The following C1orf21 variants were observed in gnomAD, a reference collection of about 807,000 sequenced individuals.
The protein encoded by C1orf21 is uncharacterized protein C1orf21.
Under a neutral mutation model 18.7 loss-of-function variants are expected in C1orf21, and 3 were observed. That is an observed-to-expected ratio of 0.16 (90% confidence interval 0.07 to 0.42). The LOEUF (loss-of-function observed/expected upper bound fraction) is 0.42, where lower values mean the gene tolerates loss of function less well. Among genes scored for constraint, C1orf21 ranks in the 10% least tolerant of loss-of-function variants. The pLI is 0.99. For synonymous variants in C1orf21, 41 were observed against 46.4 expected, an observed-to-expected ratio of 0.88 and a Z score of 0.47; for missense variants, 104 against 143.6, an observed-to-expected ratio of 0.72 and a Z score of 1.41.
rs1659971876 is a variant in C1orf21 at position 184,624,331 on chromosome 1, G to A, written c.*4775G>A. 2 of 152,630 alleles carry A rather than the reference G, an allele frequency of 1.3e-5. No individual in the cohort carries two copies. The highest frequency in any genetic ancestry group is 4.2e-4 in the South Asian group (2 of 4,818). The allele number at this position is 152,630 out of a possible 1,614,324, so 9.5% of individuals were successfully genotyped here. On this transcript the variant is annotated 3_prime_UTR_variant, in exon 6 of 6. Coordinates refer to ENST00000235307, the MANE Select transcript of C1orf21 (RefSeq NM_030806.4). ...CACTGGCTAACAGTAGGACTTCAGTGCCCTGAGGAAAAGGCTTTGGGAATT... is the reference window on the plus strand; with the variant it reads ...CACTGGCTAACAGTAGGACTTCAGTACCCTGAGGAAAAGGCTTTGGGAATT...
intron 1 of C1orf21, among the ~76,000 whole-genome samples, chr1:184,458,830 T>C (rs536303451): frequency 6.6e-6 from 1 of 152,326 alleles, no homozygotes; most frequent in Admixed American, 6.5e-5. Flanking sequence ...GGTAAAACTC[T>C]AAAAAGGGTG....
intron 1 of C1orf21, among the ~76,000 whole-genome samples, chr1:184,443,100 A>G (rs1656973138): frequency 6.6e-6 from 1 of 152,228 alleles, no homozygotes; most frequent in Non-Finnish European, 1.5e-5. Flanking sequence ...AAAGAATTGT[A>G]CTGTGCATTT....
intron 3 of C1orf21, among the ~76,000 whole-genome samples, chr1:184,523,767 G>A (rs1168830336): frequency 3.9e-5 from 6 of 152,018 alleles, no homozygotes; most frequent in African/African-American, 1.2e-4. Context: ...TATGAAAAAG[G>A]ACCTATACCA....
At chr1:184,474,907 G>A (rs1406536135) in intron 1 of C1orf21, among the ~76,000 whole-genome samples, 1 of 152,178 alleles carries the variant, frequency 6.6e-6, no homozygotes, top group Non-Finnish European at 1.5e-5. Flanking sequence ...CTGGGGATGA[G>A]GAAGCAGGGG....
rs191734954 is a variant in C1orf21 at position 184,547,941 on chromosome 1, A to G, written c.189+40259A>G. Reference sequence around the variant, plus strand: ...ATACCATTGGAAATGGATACCTGCTATGGCCACGGTGGCACTGGCTGCTGT... The same window carrying G: ...ATACCATTGGAAATGGATACCTGCTGTGGCCACGGTGGCACTGGCTGCTGT... On this transcript the variant is annotated intron_variant, in intron 3 of 5. Coordinates refer to ENST00000235307, the MANE Select transcript of C1orf21 (RefSeq NM_030806.4). Among the ~76,000 whole-genome samples the G allele has an allele frequency of 2.7e-4, 41 of 152,268 alleles. 2 individuals are homozygous for G. The East Asian group carries it at 7.5e-3, about 28-fold the overall frequency.
chr1:184,588,733 T>C (rs991292412), intron 3 of C1orf21, among the ~76,000 whole-genome samples: 2 of 152,216 alleles, frequency 1.3e-5, no homozygotes, highest in Non-Finnish European at 2.9e-5. Flanking sequence ...AAGTGCTCAG[T>C]GAGTGGTTAT....
At chr1:184,475,248 G>C (rs902670093) in intron 1 of C1orf21, among the ~76,000 whole-genome samples, 5 of 152,236 alleles carry the variant, frequency 3.3e-5, no homozygotes, top group Non-Finnish European at 7.4e-5. Context: ...GAGTACCTAT[G>C]GTCTTACGAT....
chr1:184,448,549 TAGA>T (rs1657068230), intron 1 of C1orf21, among the ~76,000 whole-genome samples: 1 of 152,234 alleles, frequency 6.6e-6, no homozygotes, highest in Non-Finnish European at 1.5e-5. Flanking sequence ...TTAGGACTAT[TAGA>T]GCATCTTTGA....
At chr1:184,477,360 T>C (rs192426104) in intron 1 of C1orf21, 26 bp from the exon 2 acceptor site, 1 of 622,318 alleles carries the variant, frequency 1.6e-6, no homozygotes, top group Admixed American at 2.9e-5. Flanking sequence ...CACTGCCCAT[T>C]CTAATCTAGC....
chr1:184,483,010 G>A (rs1211940227), intron 2 of C1orf21, among the ~76,000 whole-genome samples: 1 of 152,172 alleles, frequency 6.6e-6, no homozygotes. Context: ...TCATTGACAA[G>A]GAACTTCACC....
chr1:184,421,555 C>A (rs1645256161), intron 1 of C1orf21, among the ~76,000 whole-genome samples: 1 of 152,176 alleles, frequency 6.6e-6, no homozygotes, highest in South Asian at 2.1e-4. Flanking sequence ...TATAAAATTT[C>A]TTCCCACGTT....
chr1:184,538,384 G>A (rs377487185), intron 3 of C1orf21, among the ~76,000 whole-genome samples: 290 of 152,132 alleles, frequency 1.9e-3, no homozygotes, highest in Non-Finnish European at 3.2e-3. Flanking sequence ...ATAGATATGC[G>A]ATTTCAAATA....
intron 3 of C1orf21, among the ~76,000 whole-genome samples, chr1:184,522,463 T>G: frequency 6.6e-6 from 1 of 152,060 alleles, no homozygotes; most frequent in East Asian, 1.9e-4. Flanking sequence ...AGTCTAGGGC[T>G]GGAGAATATG....
intron 2 of C1orf21, among the ~76,000 whole-genome samples, chr1:184,505,613 A>G (rs938277992): frequency 2.6e-5 from 4 of 151,768 alleles, no homozygotes; most frequent in African/African-American, 9.7e-5. Flanking sequence ...AATACAAAAA[A>G]TTAGCCAGGC....
intron 1 of C1orf21, among the ~76,000 whole-genome samples, chr1:184,463,564 A>G (rs1657340940): frequency 6.6e-6 from 1 of 152,188 alleles, no homozygotes; most frequent in Admixed American, 6.6e-5. Context: ...CAGGTGAGAA[A>G]TGTTTATTAA....
intron 4 of C1orf21, among the ~76,000 whole-genome samples, chr1:184,595,309 C>A: frequency 6.6e-6 from 1 of 152,138 alleles, no homozygotes; most frequent in East Asian, 1.9e-4. Flanking sequence ...TTTCTAATAT[C>A]TTGAAAAAAG....
chr1:184,448,704 G>A (rs1429304561), intron 1 of C1orf21, among the ~76,000 whole-genome samples: 1 of 152,172 alleles, frequency 6.6e-6, no homozygotes, highest in Non-Finnish European at 1.5e-5. Context: ...AGAAATAGTA[G>A]CAGGGAGACC....
intron 5 of C1orf21, among the ~76,000 whole-genome samples, chr1:184,611,318 G>T (rs899660307): frequency 6.6e-6 from 1 of 152,216 alleles, no homozygotes; most frequent in Non-Finnish European, 1.5e-5. Context: ...GCTGAAAAGT[G>T]CTCTGTGATT....
chr1:184,429,524 G>A (rs186786439), intron 1 of C1orf21, among the ~76,000 whole-genome samples: 2 of 152,272 alleles, frequency 1.3e-5, no homozygotes, highest in East Asian at 1.9e-4. Flanking sequence ...CACTGTGGAT[G>A]TTATGTTGAG....
Sources: gnomAD v4.1 joint callset for allele counts (sites outside exome capture counted in the v4.1 genomes callset) on GRCh38, gnomAD v4.1.1 for gene constraint, MANE v1.5 for transcripts, NCBI Gene and HGNC (gene_info 2026-07-23, HGNC 2026-07-21) for gene names.